The following SCAI variants were observed in gnomAD, a reference collection of about 807,000 sequenced individuals.
SCAI encodes the protein protein SCAI.
SCAI carries 24 observed loss-of-function variants against 92.2 expected under a neutral mutation model. The observed-to-expected ratio is 0.26, with a 90% CI of 0.19 to 0.37. The LOEUF (loss-of-function observed/expected upper bound fraction) is 0.37, where lower values mean the gene tolerates loss of function less well. SCAI is among the 10% of genes least tolerant of loss of function. SCAI has a pLI of 1.00. For missense variants in SCAI, 450 were observed against 736.2 expected, an observed-to-expected ratio of 0.61 and a Z score of 4.50; for synonymous variants, 261 against 258.6, an observed-to-expected ratio of 1.01 and a Z score of -0.09.
At chr9:125,083,239 C>T (rs1296986642) in intron 2 of SCAI, among the ~76,000 whole-genome samples, 2 of 152,092 alleles carry the variant, frequency 1.3e-5, no homozygotes, top group Non-Finnish European at 1.5e-5. Context: ...ACTTGCAGGC[C>T]GGGCATGGTG....
Position 125,007,668 on chromosome 9 carries a change from A to T in SCAI, c.862-4098T>A, listed in dbSNP as rs545596502. ...CTGTCTCTAAAAAGAAAAAAAAAAAATTTTTTTTAAGACAGGGTCTGCTTC... is the reference window on the plus strand; with the variant it reads ...CTGTCTCTAAAAAGAAAAAAAAAAATTTTTTTTTAAGACAGGGTCTGCTTC... On this transcript the variant is annotated intron_variant, in intron 9 of 17. Transcript: ENST00000336505. Among the ~76,000 whole-genome samples, 112 of 148,914 alleles carry T rather than the reference A, an allele frequency of 7.5e-4. 1 individual carries two copies. Among genetic ancestry groups the T allele is most frequent in the East Asian group, 2.5e-3 (13 of 5,120 alleles).
chr9:125,023,164 C>A (rs1044592010), intron 6 of SCAI, among the ~76,000 whole-genome samples: 1 of 152,074 alleles, frequency 6.6e-6, no homozygotes, highest in African/African-American at 2.4e-5. Flanking sequence ...TTTTAGAATA[C>A]AAGGGGATAA....
In SCAI at chr9:124,962,168, TTTGC is replaced by T. The variant is rs1315039867; in HGVS notation, c.1674+9198_1674+9201del. On this transcript the variant is annotated intron_variant, in intron 17 of 17. Transcript: ENST00000336505. ...TATATGTCTTTTTTTTTTTTTTTTTTTTGCGGGGGGGGATGGAGTCTTGCTCTGT... is the reference window on the plus strand; with the variant it reads ...TATATGTCTTTTTTTTTTTTTTTTTTGGGGGGGGATGGAGTCTTGCTCTGT... 5.1e-4 allele frequency among the ~76,000 whole-genome samples: 70 copies of T among 138,610 alleles called. 1 individual carries two copies. The South Asian group carries it at 6.6e-3, about 13-fold the overall frequency. The allele number at this position is 138,610 out of a possible 152,430, so 90.9% of individuals were successfully genotyped here.
chr9:125,004,758 TATATATATATATATATATATA>T (rs1279216810), intron 9 of SCAI, among the ~76,000 whole-genome samples: 345 of 9,958 alleles, frequency 0.035, 5 homozygotes, highest in African/African-American at 0.082. Context: ...TATATATATA[TATATATATATATATATATATA>T]TTTTTTTTTT....
At chr9:125,134,797 C>A (rs759238580) in intron 2 of SCAI, among the ~76,000 whole-genome samples, 4 of 152,208 alleles carry the variant, frequency 2.6e-5, no homozygotes, top group Non-Finnish European at 5.9e-5. Flanking sequence ...CTGCCTCAGC[C>A]TCCTGAGTAG....
intron 3 of SCAI, among the ~76,000 whole-genome samples, chr9:125,044,423 T>G (rs980916331): frequency 2.0e-5 from 3 of 152,072 alleles, no homozygotes; most frequent in Non-Finnish European, 2.9e-5. Context: ...GCTGGACACT[T>G]GCTGGGATGA....
intron 17 of SCAI, among the ~76,000 whole-genome samples, chr9:124,959,451 G>A (rs1185697635): frequency 6.9e-6 from 1 of 144,472 alleles, no homozygotes; most frequent in African/African-American, 2.5e-5. Context: ...TTGAGATAAG[G>A]CCTAGCAATT....
At chr9:125,065,643 A>C (rs1024804478) in intron 2 of SCAI, among the ~76,000 whole-genome samples, 1 of 152,232 alleles carries the variant, frequency 6.6e-6, no homozygotes, top group Non-Finnish European at 1.5e-5. Context: ...AGAAAGCAAA[A>C]TTACAGGCCA....
At chr9:125,105,108 C>G (rs561688265) in intron 2 of SCAI, among the ~76,000 whole-genome samples, 1 of 151,930 alleles carries the variant, frequency 6.6e-6, no homozygotes, top group Admixed American at 6.6e-5. Flanking sequence ...AAACCAAAGC[C>G]ATCATGTACC....
chr9:124,969,992 T>C (rs1356522344), intron 17 of SCAI, among the ~76,000 whole-genome samples: 1 of 152,158 alleles, frequency 6.6e-6, no homozygotes, highest in African/African-American at 2.4e-5. Context: ...TAGCTGGGAT[T>C]ACAGGTGCAT....
At chr9:125,001,917 A>C in intron 12 of SCAI, 48 bp downstream of exon 12, 1 of 1,311,738 alleles carries the variant, frequency 7.6e-7, no homozygotes, top group Non-Finnish European at 1.1e-6. Flanking sequence ...GTAGAAAATA[A>C]AGAGAATTCA....
chr9:125,010,127 G>A (rs906870934), intron 9 of SCAI, among the ~76,000 whole-genome samples: 4 of 152,244 alleles, frequency 2.6e-5, no homozygotes, highest in African/African-American at 9.6e-5. Context: ...GGTGATTTCT[G>A]CATTTCCATC....
At chr9:125,038,489 T>C (rs959182328) in intron 3 of SCAI, among the ~76,000 whole-genome samples, 1 of 152,206 alleles carries the variant, frequency 6.6e-6, no homozygotes, top group African/African-American at 2.4e-5. Flanking sequence ...TCCAAATAAT[T>C]TTTCCCCCAA....
chr9:125,069,525 G>A lies in SCAI; in HGVS notation c.99-13518C>T, dbSNP rs568080134. Among the ~76,000 whole-genome samples, 13 of 150,698 alleles carry A rather than the reference G, an allele frequency of 8.6e-5. No individual in the cohort carries two copies. In the East Asian group the frequency reaches 2.6e-3, roughly 30 times the overall value. ...AGTAGAGACGGGGTTTCACCATGTT[G>A]GCCAGGATGGTCTCGATCTCCTGAC... On this transcript the variant is annotated intron_variant, in intron 2 of 17. Coordinates refer to ENST00000336505, the MANE Select transcript of SCAI (RefSeq NM_001144877.3).
At chr9:125,068,177 T>C (rs1833908860) in intron 2 of SCAI, among the ~76,000 whole-genome samples, 1 of 152,188 alleles carries the variant, frequency 6.6e-6, no homozygotes, top group African/African-American at 2.4e-5. Context: ...TAGTTAACAC[T>C]GTGATTGCAA....
At chr9:125,126,571 T>TGG (rs1835284135) in intron 2 of SCAI, among the ~76,000 whole-genome samples, 4 of 134,162 alleles carry the variant, frequency 3.0e-5, no homozygotes, top group African/African-American at 5.7e-5. Context: ...GGTGTGGGTG[T>TGG]GTGTGTGTGT....
chr9:124,962,531 T>A (rs1352770361), intron 17 of SCAI, among the ~76,000 whole-genome samples: 1 of 152,140 alleles, frequency 6.6e-6, no homozygotes, highest in Non-Finnish European at 1.5e-5. Context: ...AAAAAGGTAT[T>A]TCACAAAAAG....
intron 6 of SCAI, among the ~76,000 whole-genome samples, chr9:125,022,165 C>G (rs962490742): frequency 7.2e-5 from 11 of 151,994 alleles, no homozygotes; most frequent in Non-Finnish European, 1.2e-4. Flanking sequence ...TACATCAGAT[C>G]ATTAATTTCC....
chr9:125,065,578 C>T (rs1357741985), intron 2 of SCAI, among the ~76,000 whole-genome samples: 1 of 152,206 alleles, frequency 6.6e-6, no homozygotes, highest in Non-Finnish European at 1.5e-5. Flanking sequence ...CATTCCTCAG[C>T]TCATTTTATG....
Sources: allele counts gnomAD v4.1 joint callset (sites outside exome capture counted in the v4.1 genomes callset), GRCh38; gene constraint gnomAD v4.1.1; transcripts MANE v1.5; gene names NCBI Gene and HGNC (gene_info 2026-07-23, HGNC 2026-07-21).